The following SLC24A2 variants were observed in gnomAD, a reference collection of about 807,000 sequenced individuals.
The protein encoded by SLC24A2 is solute carrier family 24 member 2.
In SLC24A2, 36 loss-of-function variants were observed where a neutral mutation model predicts 62.0. The ratio of observed to expected loss-of-function variants is 0.58; its 90% CI spans 0.44 to 0.77. The LOEUF is 0.77. Ranked by LOEUF, SLC24A2 falls within the 30% of genes least tolerant of loss-of-function variation. The pLI is 0.00. For synonymous variants in SLC24A2, 358 were observed against 294.0 expected (o/e 1.22, Z -2.23); for missense variants, 846 against 817.9 (o/e 1.03, Z -0.42).
At chr9:19,896,746 G>C in the SLC24A2 span, among the ~76,000 whole-genome samples, 3 of 152,146 alleles carry the variant, frequency 2.0e-5, no homozygotes, top group Admixed American at 6.5e-5. Context: ...TTCTTAACTG[G>C]ATGGCATTAC....
At chr9:19,700,877 T>C (rs1272654568) in intron 2 of SLC24A2, among the ~76,000 whole-genome samples, 1 of 152,206 alleles carries the variant, frequency 6.6e-6, no homozygotes, top group East Asian at 1.9e-4. Context: ...ATGGTGTTAC[T>C]GCTATTCTAA....
intron 2 of SLC24A2, among the ~76,000 whole-genome samples, chr9:19,626,335 T>C (rs1818034808): frequency 6.6e-6 from 1 of 152,242 alleles, no homozygotes; most frequent in Non-Finnish European, 1.5e-5. Context: ...TGGTTCACTC[T>C]GGTAATTATC....
At chr9:19,962,635 G>A in the SLC24A2 span, among the ~76,000 whole-genome samples, 4 of 152,108 alleles carry the variant, frequency 2.6e-5, no homozygotes, top group Non-Finnish European at 5.9e-5. Context: ...ATTGTGAATG[G>A]GAGTTCACTC....
At chr9:20,141,873 A>G in the SLC24A2 span, among the ~76,000 whole-genome samples, 2 of 152,218 alleles carry the variant, frequency 1.3e-5, no homozygotes, top group Non-Finnish European at 2.9e-5. Flanking sequence ...ACTTGAGCTC[A>G]GGAGTTCAAG....
chr9:19,546,037 A>T (rs10964197), intron 8 of SLC24A2, among the ~76,000 whole-genome samples: 3,549 of 152,340 alleles, frequency 0.023, 81 homozygotes, highest in Non-Finnish European at 0.035. Flanking sequence ...AGGAGGCTGC[A>T]GAACAGCAAA....
At chr9:19,986,588 C>A in the SLC24A2 span, among the ~76,000 whole-genome samples, 1 of 150,590 alleles carries the variant, frequency 6.6e-6, no homozygotes, top group Non-Finnish European at 1.5e-5. Flanking sequence ...TATATATATC[C>A]AATGTAATAT....
At chr9:19,636,723 C>T (rs1440751900) in intron 2 of SLC24A2, among the ~76,000 whole-genome samples, 1 of 152,054 alleles carries the variant, frequency 6.6e-6, no homozygotes, top group African/African-American at 2.4e-5. Context: ...TGTGAGCCAC[C>T]ACGCCTGGCC....
chr9:19,855,851 G>A, the SLC24A2 span, among the ~76,000 whole-genome samples: 1 of 152,168 alleles, frequency 6.6e-6, no homozygotes, highest in Non-Finnish European at 1.5e-5. Flanking sequence ...GGTTGGGGAA[G>A]TTCTCCTGGA....
the SLC24A2 span, among the ~76,000 whole-genome samples, chr9:20,005,896 T>A: frequency 2.0e-5 from 3 of 150,078 alleles, no homozygotes; most frequent in South Asian, 6.3e-4. Context: ...AAGAAACAAG[T>A]TTATTTGTCA....
At chr9:20,066,519 C>G in the SLC24A2 span, among the ~76,000 whole-genome samples, 1 of 152,212 alleles carries the variant, frequency 6.6e-6, no homozygotes, top group Non-Finnish European at 1.5e-5. Context: ...GACTGTCTCA[C>G]TCTGTGTCTA....
the SLC24A2 span, among the ~76,000 whole-genome samples, chr9:19,867,226 G>GA: frequency 6.6e-6 from 1 of 151,828 alleles, no homozygotes; most frequent in African/African-American, 2.4e-5. Context: ...TAAAAATTAG[G>GA]AAAAAAGAAG....
the SLC24A2 span, among the ~76,000 whole-genome samples, chr9:20,258,853 CTAATGT>C: frequency 9.9e-4 from 95 of 95,752 alleles, no homozygotes; most frequent in Middle Eastern, 5.7e-3. Context: ...ATCTATCTAT[CTAATGT>C]CTATCTATCC....
At chr9:19,670,247 T>G (rs935741687) in intron 2 of SLC24A2, among the ~76,000 whole-genome samples, 1 of 152,186 alleles carries the variant, frequency 6.6e-6, no homozygotes, top group Non-Finnish European at 1.5e-5. Flanking sequence ...TGGGGAGACA[T>G]GTTATCTCAT....
intron 4 of SLC24A2, among the ~76,000 whole-genome samples, chr9:19,597,888 C>A (rs1587012476): frequency 6.6e-6 from 1 of 152,198 alleles, no homozygotes; most frequent in East Asian, 1.9e-4. Flanking sequence ...ACCACCAGCT[C>A]AGATAAGTGA....
chr9:19,637,768 C>A (rs1818396538), intron 2 of SLC24A2, among the ~76,000 whole-genome samples: 1 of 152,196 alleles, frequency 6.6e-6, no homozygotes, highest in Non-Finnish European at 1.5e-5. Flanking sequence ...AGCGTTTACT[C>A]AGTGAGCAGG....
At chr9:19,902,365 A>G in the SLC24A2 span, among the ~76,000 whole-genome samples, 1 of 152,214 alleles carries the variant, frequency 6.6e-6, no homozygotes, top group Non-Finnish European at 1.5e-5. Context: ...GAAAAAGGAC[A>G]TTTTAGACAA....
At chr9:19,923,040 TA>T in the SLC24A2 span, among the ~76,000 whole-genome samples, 2 of 150,722 alleles carry the variant, frequency 1.3e-5, no homozygotes, top group African/African-American at 2.4e-5. Flanking sequence ...ACCAGTTTTT[TA>T]AAAAAAATGT....
At chr9:19,570,552 A>G (rs1485253410) in intron 7 of SLC24A2, among the ~76,000 whole-genome samples, 2 of 152,256 alleles carry the variant, frequency 1.3e-5, no homozygotes, top group African/African-American at 4.8e-5. Context: ...TTATATACAT[A>G]AAACCATTTC....
intron 2 of SLC24A2, among the ~76,000 whole-genome samples, chr9:19,680,931 T>C (rs1819703641): frequency 6.6e-6 from 1 of 151,786 alleles, no homozygotes; most frequent in African/African-American, 2.4e-5. Flanking sequence ...CCTCTACTAT[T>C]ACCACCTGCC....
Sources: gnomAD v4.1 joint callset for allele counts (sites outside exome capture counted in the v4.1 genomes callset) on GRCh38, gnomAD v4.1.1 for gene constraint, MANE v1.5 for transcripts, NCBI Gene and HGNC (gene_info 2026-07-23, HGNC 2026-07-21) for gene names.